DTD1: variants seen among roughly 807,000 people sequenced by gnomAD.
DTD1 encodes the protein D-tyrosyl-tRNA deacylase 1 homolog.
A neutral mutation model predicts 25.6 loss-of-function variants in DTD1; 13 were observed. The observed-to-expected ratio is 0.51, with a 90% CI of 0.33 to 0.81. The LOEUF (loss-of-function observed/expected upper bound fraction) is 0.81. Among genes scored for constraint, DTD1 ranks in the 30% least tolerant of loss-of-function variants. The pLI, the probability that DTD1 is intolerant of heterozygous loss-of-function variation, is 0.02. For missense variants in DTD1, 193 were observed against 266.4 expected, an observed-to-expected ratio of 0.72 and a Z score of 1.92; for synonymous variants, 110 against 103.6, an observed-to-expected ratio of 1.06 and a Z score of -0.37.
Position 18,691,651 on chromosome 20 carries a change from C to T in DTD1, c.478-52449C>T, listed in dbSNP as rs1383153705. Among the ~76,000 whole-genome samples the T allele has an allele frequency of 2.0e-5, 3 of 152,184 alleles. No individual in the cohort carries two copies. The East Asian group carries it at 5.8e-4, about 29-fold the overall frequency. On this transcript the variant is annotated intron_variant, in intron 4 of 5. Transcript: ENST00000377452. ...AAGGGGATGTGGGCTGAAAAACTAC[C>T]TATTGGGTACTATGCTCATGACCTG...
At chr20:18,634,212 G>A (rs1322301859) in intron 4 of DTD1, among the ~76,000 whole-genome samples, 1 of 152,200 alleles carries the variant, frequency 6.6e-6, no homozygotes, top group African/African-American at 2.4e-5. Flanking sequence ...TGTGATAGAA[G>A]CTTATTCTTG....
At chr20:18,601,147 C>G (rs2060632533) in intron 3 of DTD1, among the ~76,000 whole-genome samples, 1 of 152,078 alleles carries the variant, frequency 6.6e-6, no homozygotes, top group African/African-American at 2.4e-5. Context: ...TTCTAGTTTC[C>G]CACTGTTAAG....
At chr20:18,706,523 G>T (rs1420482959) in intron 4 of DTD1, among the ~76,000 whole-genome samples, 2 of 152,198 alleles carry the variant, frequency 1.3e-5, no homozygotes, top group Non-Finnish European at 2.9e-5. Context: ...GGGCAGTTCA[G>T]CATTTCAAGT....
chr20:18,631,330 G>A (rs960420754), intron 4 of DTD1: 47 of 985,216 alleles, frequency 4.8e-5, no homozygotes, highest in Non-Finnish European at 5.3e-5. Context: ...CGAAAGGTGG[G>A]GCCCCTCTGA....
In DTD1 at chr20:18,695,317, G is replaced by T. The variant is rs539129421; in HGVS notation, c.478-48783G>T. ...ATCTGCCTCTGGTTGTAAGAATTTC[G>T]TTTATTGGTTGGTAAATAAAACCAG... is the stretch of plus-strand genomic sequence containing the variant. On this transcript the variant is annotated intron_variant, in intron 4 of 5. Coordinates refer to ENST00000377452, the MANE Select transcript of DTD1 (RefSeq NM_080820.6). Among the ~76,000 whole-genome samples, 4 of 151,170 alleles carry T rather than the reference G, an allele frequency of 2.6e-5. No homozygotes were observed. In the South Asian group the frequency reaches 8.4e-4, roughly 32 times the overall value.
chr20:18,712,478 A>G (rs1019923760), intron 4 of DTD1, among the ~76,000 whole-genome samples: 18 of 152,100 alleles, frequency 1.2e-4, no homozygotes, highest in African/African-American at 4.3e-4. Flanking sequence ...TTGCTCCCGC[A>G]GTGGTCTCTC....
intron 5 of DTD1, among the ~76,000 whole-genome samples, chr20:18,759,930 G>A (rs6045584): frequency 0.59 from 89,527 of 151,908 alleles, 26,881 homozygotes; most frequent in Non-Finnish European, 0.63. Flanking sequence ...GGTTTTGTTC[G>A]TTTCTTTTTA....
chr20:18,645,080 G>A (rs1482369618), intron 4 of DTD1, among the ~76,000 whole-genome samples: 2 of 152,176 alleles, frequency 1.3e-5, no homozygotes, highest in Non-Finnish European at 2.9e-5. Flanking sequence ...AACCCAGGGG[G>A]TTGAGGCCAC....
At chr20:18,624,246 C>T (rs1381478597) in intron 3 of DTD1, among the ~76,000 whole-genome samples, 1 of 152,120 alleles carries the variant, frequency 6.6e-6, no homozygotes, top group Non-Finnish European at 1.5e-5. Context: ...CCCAGCACAC[C>T]AGAGCTCCTG....
intron 5 of DTD1, among the ~76,000 whole-genome samples, chr20:18,760,432 T>A (rs2061356848): frequency 6.6e-6 from 1 of 152,160 alleles, no homozygotes; most frequent in Non-Finnish European, 1.5e-5. Context: ...GTCCTTTCTG[T>A]TTGTTTGTTT....
chr20:18,705,651 G>A (rs1281371472), intron 4 of DTD1, among the ~76,000 whole-genome samples: 1 of 152,102 alleles, frequency 6.6e-6, no homozygotes, highest in Non-Finnish European at 1.5e-5. Flanking sequence ...GGCCTCAGTG[G>A]GAAGGATGAG....
At chr20:18,755,860 T>C (rs1162159287) in intron 5 of DTD1, among the ~76,000 whole-genome samples, 1 of 152,108 alleles carries the variant, frequency 6.6e-6, no homozygotes, top group Non-Finnish European at 1.5e-5. Context: ...ACTTCCACAA[T>C]GGTTGAACTA....
At position 18,739,516 on chromosome 20, in the gene DTD1, T is replaced by C. The variant is rs554852186; in HGVS notation, c.478-4584T>C. On this transcript the variant is annotated intron_variant, in intron 4 of 5. Transcript: ENST00000377452. ...GCTAAAGCCAGCATGGTTTGGACAG[T>C]CTCTCCCTTACAATGTGGGCTTTCT... Among the ~76,000 whole-genome samples, 9 of 152,256 alleles carry C rather than the reference T, an allele frequency of 5.9e-5. No homozygotes were observed. The East Asian group carries it at 1.4e-3, about 23-fold the overall frequency.
At chr20:18,725,261 G>A (rs1408554019) in intron 4 of DTD1, among the ~76,000 whole-genome samples, 4 of 152,174 alleles carry the variant, frequency 2.6e-5, no homozygotes, top group Admixed American at 6.5e-5. Context: ...CAGTAACTCC[G>A]TGGTGTTGCC....
intron 4 of DTD1, among the ~76,000 whole-genome samples, chr20:18,654,455 C>T (rs138470659): frequency 6.6e-6 from 1 of 152,312 alleles, no homozygotes; most frequent in Non-Finnish European, 1.5e-5. Context: ...TGAAAATGGA[C>T]TAATGCAGTG....
chr20:18,665,394 C>T lies in DTD1; in HGVS notation c.477+37161C>T, dbSNP rs35941379. Among the ~76,000 whole-genome samples the T allele has an allele frequency of 2.6e-5, 4 of 152,256 alleles. No homozygotes were observed. In the South Asian group the frequency reaches 8.3e-4, roughly 32 times the overall value. The stretch of plus-strand genomic sequence containing the variant: ...CTGCCTCCTGGGATCAGCCCCGGCT[C>T]TGGGGAAGCTCTCTTCAGGTATCCC... On this transcript the variant is annotated intron_variant, in intron 4 of 5. Transcript: ENST00000377452.
In DTD1 at chr20:18,708,556, G is replaced by A. The variant is rs376792400; in HGVS notation, c.478-35544G>A. On this transcript the variant is annotated intron_variant, in intron 4 of 5. Transcript: ENST00000377452. ...TATTTAGTAGAGATGGGGTTTCACC[G>A]TGTTGGCCAGGCTGGTCTCAAACTT... is the stretch of plus-strand genomic sequence containing the variant. 2.0e-4 allele frequency among the ~76,000 whole-genome samples: 30 copies of A among 149,870 alleles called. 1 individual carries two copies. Among genetic ancestry groups the A allele is most frequent in the African/African-American group, 6.1e-4 (25 of 40,704 alleles).
Position 18,616,804 on chromosome 20 carries a change from C to G in DTD1, c.371-11323C>G, listed in dbSNP as rs79743674. Among the ~76,000 whole-genome samples the G allele has an allele frequency of 8.8e-3, 1,340 of 152,224 alleles. 19 individuals are homozygous for G. Among genetic ancestry groups the G allele is most frequent in the African/African-American group, 0.031 (1,281 of 41,526 alleles). On this transcript the variant is annotated intron_variant, in intron 3 of 5. Coordinates refer to ENST00000377452, the MANE Select transcript of DTD1 (RefSeq NM_080820.6). ...CCCGGGTGATAGAGTAAGACCCTGTCTCTAAAAAATTTTTTTAAAAAAGCA... is the reference window on the plus strand; with the variant it reads ...CCCGGGTGATAGAGTAAGACCCTGTGTCTAAAAAATTTTTTTAAAAAAGCA...
chr20:18,616,213 A>G (rs2060708465), intron 3 of DTD1, among the ~76,000 whole-genome samples: 1 of 152,166 alleles, frequency 6.6e-6, no homozygotes, highest in Non-Finnish European at 1.5e-5. Flanking sequence ...AAATACATTT[A>G]TATTTTCTCT....
Sources: gnomAD v4.1 joint callset for allele counts (sites outside exome capture counted in the v4.1 genomes callset) on GRCh38, gnomAD v4.1.1 for gene constraint, MANE v1.5 for transcripts, NCBI Gene and HGNC (gene_info 2026-07-23, HGNC 2026-07-21) for gene names.